FLII: variants seen among roughly 807,000 people sequenced by gnomAD.
FLII encodes the protein protein flightless-1 homolog.
FLII carries 101 observed loss-of-function variants against 156.2 expected under a neutral mutation model. The observed-to-expected ratio is 0.65, with a 90% CI of 0.55 to 0.76. The LOEUF is 0.76. Among genes scored for constraint, FLII ranks in the 30% least tolerant of loss-of-function variants. The probability of loss-of-function intolerance (pLI) is 0.00; values close to 1 mark genes in which losing one functional copy is unlikely to be tolerated. For missense variants in FLII, 1,675 were observed against 1,682.8 expected (o/e 1.00, Z 0.08); for synonymous variants, 767 against 685.8 (o/e 1.12, Z -1.85).
At position 18,247,960 on chromosome 17, in the gene FLII, G is replaced by A; in HGVS notation, c.2264C>T (p.Pro755Leu). The change falls in exon 19 of 30, where the codon CCC (proline) becomes CTC (leucine). Residue 755 changes from proline to leucine, a missense_variant. Coordinates refer to ENST00000327031, the MANE Select transcript of FLII (RefSeq NM_002018.4). ...YKLSVEHKQRPKVELMPRMRL... is the reference protein window; with the variant it reads ...YKLSVEHKQRLKVELMPRMRL... ...CATTCTTGGCATCAGCTCCACCTTG[G>A]GACGCTGCTTATGTTCCACGGAGAG... The A allele has an allele frequency of 6.2e-7, 1 of 1,614,170 alleles. No individual in the cohort carries two copies. Among genetic ancestry groups the A allele is most frequent in the African/African-American group, 1.3e-5 (1 of 75,052 alleles).
At chr17:18,257,238 C>G (rs1359852578) in intron 1 of FLII, 2 of 518,938 alleles carry the variant, frequency 3.9e-6, no homozygotes, top group Admixed American at 3.7e-5. Flanking sequence ...TTTGTCTCTC[C>G]TACTGGATTC....
chr17:18,246,768 G>A lies in FLII; in HGVS notation c.2877C>T (p.Ala959=), dbSNP rs774531113. Reference sequence around the variant, plus strand: ...TTGCTTCCTCGCCTTCTTTGCCCTCGGCCTTCTCCTCCTTGTCTTCCTTCT... The same window carrying A: ...TTGCTTCCTCGCCTTCTTTGCCCTCAGCCTTCTCCTCCTTGTCTTCCTTCT... The part of the protein sequence containing the change: ...EEKKEDKEEK[A]EGKEGEEATA... The change falls in exon 23 of 30, where the codon GCC becomes GCT. Residue 959 remains alanine (A), a synonymous_variant. Transcript: ENST00000327031. 11 of 1,613,832 alleles carry A rather than the reference G, an allele frequency of 6.8e-6. No individual in the cohort carries two copies. The highest frequency in any genetic ancestry group is 2.2e-5 in the East Asian group (1 of 44,850).
In FLII at chr17:18,256,591, A is replaced by C; in HGVS notation, c.181T>G (p.Leu61Val). The stretch of plus-strand genomic sequence containing the variant: ...GTCAGGTTGTTGTGGCTCACAGACA[A>C]GTGTTCCTGGGCCGGAATGGGGAGC... ...ELAALQKLEH[L>V]SVSHNNLTTL... The change falls in exon 3 of 30, where the codon TTG (leucine) becomes GTG (valine). Residue 61 changes from leucine to valine, a missense_variant. Leu to Val is a conservative substitution (Grantham distance 32). Coordinates refer to ENST00000327031, the MANE Select transcript of FLII (RefSeq NM_002018.4). The C allele has an allele frequency of 6.4e-7, 1 of 1,551,598 alleles. No individual in the cohort carries two copies. The highest frequency in any genetic ancestry group is 1.2e-5 in the South Asian group (1 of 84,062).
intron 14 of FLII, 85 bp from the exon 15 acceptor site, chr17:18,249,493 G>T: frequency 1.0e-6 from 1 of 977,900 alleles, no homozygotes; most frequent in Non-Finnish European, 1.6e-6. Flanking sequence ...GTACAGAGTT[G>T]CATACAGGTG....
chr17:18,246,284 C>T (rs1329504578), intron 24 of FLII, 24 bp downstream of exon 24: 3 of 1,613,950 alleles, frequency 1.9e-6, no homozygotes, highest in Non-Finnish European at 2.5e-6. Flanking sequence ...TTGCTCGCCA[C>T]TGCGTCCTCC....
Position 18,249,193 on chromosome 17 carries a change from C to G in FLII, c.1868G>C (p.Arg623Pro). The G allele has an allele frequency of 6.2e-7, 1 of 1,614,166 alleles. No homozygotes were observed. The change falls in exon 16 of 30, where the codon CGT becomes CCT. Residue 623 changes from arginine to proline, a missense_variant. Physicochemically the swap from Arg to Pro is moderately radical, Grantham distance 103 (BLOSUM62 -2). This residue lies in a region of FLII where 1,332 missense variants were observed against 1,269.3 expected (regional missense o/e 1.05). Coordinates refer to ENST00000327031, the MANE Select transcript of FLII (RefSeq NM_002018.4). ...EDTHYVTRMYRVYGKKNIKLE... is the reference protein window; with the variant it reads ...EDTHYVTRMYPVYGKKNIKLE... Reference sequence around the variant, plus strand: ...CTTGATGTTCTTTTTCCCATACACACGATACATCCTGGGCGCAGGGCAAGA... The same window carrying G: ...CTTGATGTTCTTTTTCCCATACACAGGATACATCCTGGGCGCAGGGCAAGA...
At position 18,245,749 on chromosome 17, in the gene FLII, G is replaced by T; in HGVS notation, c.3498C>A (p.Leu1166=). 6.2e-7 allele frequency: 1 copy of T among 1,613,898 alleles called. No individual in the cohort carries two copies. Among genetic ancestry groups the T allele is most frequent in the Non-Finnish European group, 8.5e-7 (1 of 1,179,846 alleles). ...GGTCAGGGCCCTGGCCTCACCGGAAGAGACGTGTGTGTTTCATGTACTCGG... is the reference window on the plus strand; with the variant it reads ...GGTCAGGGCCCTGGCCTCACCGGAATAGACGTGTGTGTTTCATGTACTCGG... ...DDAEYMKHTR[L]FRCSNEKGYF... is the part of the protein sequence containing the mutation. Residue 1166 remains leucine (L), a synonymous_variant, in exon 27 of 30, where the codon CTC becomes CTA. Transcript: ENST00000327031.
At chr17:18,249,024 G>A in intron 16 of FLII, 103 bp downstream of exon 16, 1 of 1,372,084 alleles carries the variant, frequency 7.3e-7, no homozygotes, top group Non-Finnish European at 1.0e-6. Flanking sequence ...TCGTGGGCAG[G>A]AATTGCTAGA....
chr17:18,248,931 G>A (rs1405544793), intron 16 of FLII, 48 bp from the exon 17 acceptor site: 1 of 1,512,002 alleles, frequency 6.6e-7, no homozygotes, highest in East Asian at 2.3e-5. Flanking sequence ...ATGGGGCAAT[G>A]GTCACCCCAT....
chr17:18,248,236 C>T (rs2048150917), intron 18 of FLII, among the ~76,000 whole-genome samples: 1 of 152,178 alleles, frequency 6.6e-6, no homozygotes, highest in Non-Finnish European at 1.5e-5. Flanking sequence ...TCTCCAGGCC[C>T]TTCATGCCAT....
At position 18,251,996 on chromosome 17, in the gene FLII, C is replaced by T; in HGVS notation, c.1246+3G>A. The T allele has an allele frequency of 6.2e-7, 1 of 1,612,690 alleles. No homozygotes were observed. The highest frequency in any genetic ancestry group is 1.1e-5 in the South Asian group (1 of 91,064). ...TTCCCAGGCCAGACCTTTCCCCACTCACCAGCTGCAGCTGCAGCCACGGTA... is the reference window on the plus strand; with the variant it reads ...TTCCCAGGCCAGACCTTTCCCCACTTACCAGCTGCAGCTGCAGCCACGGTA... On this transcript the variant is annotated splice_donor_region_variant and intron_variant, in intron 11 of 29. Coordinates refer to ENST00000327031, the MANE Select transcript of FLII (RefSeq NM_002018.4).
rs146409718 is a variant in FLII, at chr17:18,245,186, A to G, written c.3762T>C (p.Phe1254=). The G allele has an allele frequency of 4.6e-4, 741 of 1,613,886 alleles. 3 individuals carry two copies. The African/African-American group carries it at 8.2e-3, about 18-fold the overall frequency. ...LVRKGNEQHA[F]TRCFHAWSAF... is the part of the protein sequence containing the mutation. ...CGCTCCAGGCGTGGAAGCAGCGGGTAAAGGCGTGCTGCTCATTGCCCTTGC... is the reference window on the plus strand; with the variant it reads ...CGCTCCAGGCGTGGAAGCAGCGGGTGAAGGCGTGCTGCTCATTGCCCTTGC... The change falls in exon 30 of 30, where the codon TTT becomes TTC. Residue 1254 remains phenylalanine, a synonymous_variant. Transcript: ENST00000327031.
intron 21 of FLII, 40 bp downstream of exon 21, chr17:18,247,129 C>G (rs546326916): frequency 4.4e-5 from 32 of 731,060 alleles, no homozygotes. Flanking sequence ...GCCTGCCCCC[C>G]ACCCCCCCCC....
chr17:18,255,869 A>C (rs2048401135), intron 3 of FLII, among the ~76,000 whole-genome samples: 1 of 152,232 alleles, frequency 6.6e-6, no homozygotes, highest in Non-Finnish European at 1.5e-5. Flanking sequence ...CTTGCAGAGG[A>C]GGCCCAGAAG....
rs755687641 is a variant in FLII at position 18,245,376 on chromosome 17, T to C, written c.3653A>G (p.Lys1218Arg). Residue 1218 changes from lysine to arginine, a missense_variant, in exon 29 of 30, where the codon AAG becomes AGG. Physicochemically the swap from Lys to Arg is conservative, Grantham distance 26. Around this residue, in one of 2 missense-constraint regions of FLII, gnomAD observed 1,332 missense variants for 1,269.3 expected, o/e 1.05. Transcript: ENST00000327031. ...TACCTGGCAGGCCTTCAGGCTCAGC[T>C]TGATCTCCACCTGGCTAGTCTGGGT... ...VGTQTSQVEI[K>R]LSLKACQVYI... is the part of the protein sequence containing the mutation. 6.2e-7 allele frequency: 1 copy of C among 1,614,168 alleles called. No individual in the cohort carries two copies. Among genetic ancestry groups the C allele is most frequent in the South Asian group, 1.1e-5 (1 of 91,088 alleles).
At chr17:18,247,123 G>GGGGGGGGGGGCCC in intron 21 of FLII, 46 bp downstream of exon 21, 1 of 1,249,072 alleles carries the variant, frequency 8.0e-7, no homozygotes, top group Non-Finnish European at 1.0e-6. Context: ...CCCTCGGCCT[G>GGGGGGGGGGGCCC]CCCCCCACCC....
rs371891878 is a variant in FLII, at chr17:18,252,162, A to G, written c.1099-16T>C. ...CATCCAGGACCTGCCCCATAGGGTGAGCAGAGCCGGCACTGAGCCTGGGTC... is the reference window on the plus strand; with the variant it reads ...CATCCAGGACCTGCCCCATAGGGTGGGCAGAGCCGGCACTGAGCCTGGGTC... On this transcript the variant is annotated splice_polypyrimidine_tract_variant and intron_variant, in intron 10 of 29. Coordinates refer to ENST00000327031, the MANE Select transcript of FLII (RefSeq NM_002018.4). 12 of 1,610,636 alleles carry G rather than the reference A, an allele frequency of 7.5e-6. No homozygotes were observed. Among genetic ancestry groups the G allele is most frequent in the Non-Finnish European group, 9.3e-6 (11 of 1,178,076 alleles).
At position 18,246,360 on chromosome 17, in the gene FLII, G is replaced by T. The variant is rs1567704944; in HGVS notation, c.3154C>A (p.Gln1052Lys). Residue 1052 changes from glutamine to lysine, a missense_variant, in exon 24 of 30, where the codon CAA becomes AAA. Gln to Lys is a moderately conservative substitution (Grantham distance 53). Coordinates refer to ENST00000327031, the MANE Select transcript of FLII (RefSeq NM_002018.4). ...CGGATCTGGTAGAGGCTGGGCTGTTGGGCGCCCTGGACCGCCTTCCTCTTG... is the reference window on the plus strand; with the variant it reads ...CGGATCTGGTAGAGGCTGGGCTGTTTGGCGCCCTGGACCGCCTTCCTCTTG... Reference protein sequence around the residue: ...RGKRKAVQGAQQPSLYQIRTN... With the variant: ...RGKRKAVQGAKQPSLYQIRTN... 2 of 1,613,850 alleles carry T rather than the reference G, an allele frequency of 1.2e-6. No homozygotes were observed. The highest frequency in any genetic ancestry group is 1.7e-6 in the Non-Finnish European group (2 of 1,180,000).
chr17:18,246,011 G>A lies in FLII; in HGVS notation c.3319C>T (p.Arg1107Trp), dbSNP rs758158947. The A allele has an allele frequency of 7.4e-6, 12 of 1,614,002 alleles. No homozygotes were observed. The highest frequency in any genetic ancestry group is 2.2e-5 in the East Asian group (1 of 44,860). The stretch of plus-strand genomic sequence containing the variant: ...TTGGCTTCGTCAGGGTCTGATGCCC[G>A]GCCCACCCAGGCATACACGATGCCC... ...NQGIVYAWVG[R>W]ASDPDEAKLA... Residue 1107 changes from arginine (R) to tryptophan (W), a missense_variant, in exon 26 of 30, where the codon CGG becomes TGG. Around this residue, in one of 2 missense-constraint regions of FLII, gnomAD observed 1,332 missense variants for 1,269.3 expected, o/e 1.05. Coordinates refer to ENST00000327031, the MANE Select transcript of FLII (RefSeq NM_002018.4).
Sources: gnomAD v4.1 joint callset for allele counts (sites outside exome capture counted in the v4.1 genomes callset) on GRCh38, gnomAD v4.1.1 for gene constraint, gnomAD v4.1.1 regional missense constraint, MANE v1.5 for transcripts, NCBI Gene and HGNC (gene_info 2026-07-23, HGNC 2026-07-21) for gene names.